MACROD2: variants seen among roughly 807,000 people sequenced by gnomAD.
MACROD2 encodes ADP-ribose glycohydrolase MACROD2.
Under a neutral mutation model 70.4 loss-of-function variants are expected in MACROD2, and 36 were observed. That is an observed-to-expected ratio of 0.51 (90% confidence interval 0.39 to 0.68). The LOEUF is 0.68. Among genes scored for constraint, MACROD2 ranks in the 30% least tolerant of loss-of-function variants. MACROD2 has a pLI of 0.00. For missense variants in MACROD2, 496 were observed against 538.4 expected (o/e 0.92, Z 0.78); for synonymous variants, 172 against 178.8 (o/e 0.96, Z 0.30).
chr20:14,047,330 C>T (rs2259754), intron 2 of MACROD2, among the ~76,000 whole-genome samples: 3,466 of 151,984 alleles, frequency 0.023, 129 homozygotes, highest in African/African-American at 0.078. Flanking sequence ...TGGCATGTGC[C>T]TGTAATCCTA....
intron 2 of MACROD2, among the ~76,000 whole-genome samples, chr20:14,004,314 C>T (rs2148611585): frequency 6.6e-6 from 1 of 152,308 alleles, no homozygotes; most frequent in Non-Finnish European, 1.5e-5. Context: ...TTAATCCTGC[C>T]TCCCAATATG....
At position 14,293,527 on chromosome 20, in the gene MACROD2, G is replaced by T. The variant is rs572531133; in HGVS notation, c.272-199952G>T. Among the ~76,000 whole-genome samples, 3 of 151,922 alleles carry T rather than the reference G, an allele frequency of 2.0e-5. 1 individual carries two copies. Among genetic ancestry groups the T allele is most frequent in the African/African-American group, 7.3e-5 (3 of 41,286 alleles). ...GGGGGAAAAAGATCTATTTCAAGAAGATGCTTGGCTTCATGGAGAAACCAA... is the reference window on the plus strand; with the variant it reads ...GGGGGAAAAAGATCTATTTCAAGAATATGCTTGGCTTCATGGAGAAACCAA... On this transcript the variant is annotated intron_variant, in intron 3 of 17. Transcript: ENST00000684519.
chr20:15,771,453 G>A (rs952752743), intron 8 of MACROD2, among the ~76,000 whole-genome samples: 7 of 151,596 alleles, frequency 4.6e-5, no homozygotes, highest in Non-Finnish European at 5.9e-5. Flanking sequence ...AAAGTGCTAC[G>A]ATTATGGATG....
chr20:14,763,696 A>C (rs2072046826), intron 5 of MACROD2, among the ~76,000 whole-genome samples: 2 of 152,102 alleles, frequency 1.3e-5, no homozygotes, highest in African/African-American at 4.8e-5. Context: ...TCATAGAAAA[A>C]GTAACCTGTG....
chr20:15,837,398 C>A (rs932530949), intron 8 of MACROD2, among the ~76,000 whole-genome samples: 3 of 152,128 alleles, frequency 2.0e-5, no homozygotes, highest in Non-Finnish European at 2.9e-5. Flanking sequence ...CAACTTTCTC[C>A]TTAGCTAACT....
intron 5 of MACROD2, among the ~76,000 whole-genome samples, chr20:14,744,616 C>T (rs569525955): frequency 6.6e-6 from 1 of 152,156 alleles, no homozygotes; most frequent in South Asian, 2.1e-4. Flanking sequence ...GCCCCTCCCA[C>T]ATCAGCTCTG....
chr20:15,044,759 G>A (rs2075380239), intron 5 of MACROD2, among the ~76,000 whole-genome samples: 1 of 152,046 alleles, frequency 6.6e-6, no homozygotes, highest in South Asian at 2.1e-4. Flanking sequence ...TAGCTCTGGG[G>A]GTTGCTACAG....
chr20:14,555,628 A>G (rs148583131), intron 4 of MACROD2, among the ~76,000 whole-genome samples: 2 of 152,136 alleles, frequency 1.3e-5, no homozygotes, highest in East Asian at 3.9e-4. Flanking sequence ...CTCCTTGAAG[A>G]CACCTATATT....
intron 7 of MACROD2, among the ~76,000 whole-genome samples, chr20:15,451,926 G>GATAGTGGC (rs1286890949): frequency 2.0e-5 from 3 of 152,144 alleles, no homozygotes; most frequent in South Asian, 2.1e-4. Flanking sequence ...AGAGGCGCTA[G>GATAGTGGC]ATAGTGGCAT....
At chr20:15,683,308 TTC>T (rs2050185297) in intron 8 of MACROD2, among the ~76,000 whole-genome samples, 1 of 152,232 alleles carries the variant, frequency 6.6e-6, no homozygotes, top group Non-Finnish European at 1.5e-5. Context: ...TTTAAGCTCC[TTC>T]TCTCCACAAA....
chr20:14,656,266 T>C (rs1985970665), intron 4 of MACROD2, among the ~76,000 whole-genome samples: 1 of 152,214 alleles, frequency 6.6e-6, no homozygotes, highest in Non-Finnish European at 1.5e-5. Flanking sequence ...ACCCATTTTA[T>C]ACTTCAGAGG....
At chr20:15,360,002 C>T (rs1409121496) in intron 6 of MACROD2, among the ~76,000 whole-genome samples, 1 of 152,284 alleles carries the variant, frequency 6.6e-6, no homozygotes, top group East Asian at 1.9e-4. Context: ...TAGTCAAACT[C>T]ACTCCCACCC....
chr20:15,352,307 A>C (rs1256553097), intron 6 of MACROD2, among the ~76,000 whole-genome samples: 1 of 152,158 alleles, frequency 6.6e-6, no homozygotes, highest in Non-Finnish European at 1.5e-5. Flanking sequence ...CATAAGTGTG[A>C]GGGTTTTCTC....
intron 10 of MACROD2, among the ~76,000 whole-genome samples, chr20:15,886,573 A>AT (rs2147211461): frequency 6.6e-6 from 1 of 152,204 alleles, no homozygotes; most frequent in East Asian, 1.9e-4. Flanking sequence ...CACATACTAT[A>AT]TTTTGCTCTC....
intron 5 of MACROD2, among the ~76,000 whole-genome samples, chr20:15,001,516 T>C (rs1243217325): frequency 6.6e-6 from 1 of 152,140 alleles, no homozygotes; most frequent in Non-Finnish European, 1.5e-5. Flanking sequence ...ATTTAAAATG[T>C]ATTTATAACA....
chr20:14,893,360 T>C (rs1054825661), intron 5 of MACROD2: 3 of 152,118 alleles, frequency 2.0e-5, no homozygotes, highest in African/African-American at 7.2e-5. Context: ...TTTAATTTTT[T>C]TGAGGAAATT....
At chr20:15,012,988 C>T (rs1461630445) in intron 5 of MACROD2, among the ~76,000 whole-genome samples, 8 of 152,208 alleles carry the variant, frequency 5.3e-5, no homozygotes, top group Admixed American at 3.9e-4. Context: ...CACAAACCAG[C>T]GTTACAGGGA....
chr20:15,841,887 G>C (rs1379122445), intron 8 of MACROD2, among the ~76,000 whole-genome samples: 1 of 151,458 alleles, frequency 6.6e-6, no homozygotes, highest in Non-Finnish European at 1.5e-5. Context: ...TAAACAAGAG[G>C]GTTCAGTTCT....
At chr20:15,335,548 A>G (rs979378131) in intron 6 of MACROD2, among the ~76,000 whole-genome samples, 1 of 151,568 alleles carries the variant, frequency 6.6e-6, no homozygotes, top group Non-Finnish European at 1.5e-5. Flanking sequence ...TTAAGTCTGT[A>G]TATCAAAATT....
Sources: gnomAD v4.1 joint callset for allele counts (sites outside exome capture counted in the v4.1 genomes callset) on GRCh38, gnomAD v4.1.1 for gene constraint, MANE v1.5 for transcripts, NCBI Gene and HGNC (gene_info 2026-07-23, HGNC 2026-07-21) for gene names.